The following SLC24A3 variants were observed in gnomAD, a reference collection of about 807,000 sequenced individuals.
The protein encoded by SLC24A3 is sodium/potassium/calcium exchanger 3.
In SLC24A3, 28 loss-of-function variants were observed where a neutral mutation model predicts 75.8. That is an observed-to-expected ratio of 0.37 (90% CI 0.27 to 0.51). SLC24A3 has a LOEUF of 0.51. Ranked by LOEUF, SLC24A3 falls within the 20% of genes least tolerant of loss-of-function variation. SLC24A3 has a pLI of 0.94. For synonymous variants in SLC24A3, 372 were observed against 334.1 expected (o/e 1.11, Z -1.24); for missense variants, 663 against 847.8 (o/e 0.78, Z 2.71).
chr20:19,695,156 T>C (rs1031308016), intron 13 of SLC24A3, among the ~76,000 whole-genome samples: 1 of 152,200 alleles, frequency 6.6e-6, no homozygotes, highest in African/African-American at 2.4e-5. Context: ...AGCATCTCTA[T>C]GGATTTCACT....
chr20:19,704,572 A>G (rs1175207756), intron 15 of SLC24A3, among the ~76,000 whole-genome samples: 4 of 152,158 alleles, frequency 2.6e-5, no homozygotes, highest in Non-Finnish European at 1.5e-5. Context: ...CTAACTTCAG[A>G]GGACATCTGC....
At chr20:19,239,132 A>C (rs1209661903) in intron 1 of SLC24A3, among the ~76,000 whole-genome samples, 7 of 150,942 alleles carry the variant, frequency 4.6e-5, no homozygotes, top group Non-Finnish European at 1.0e-4. Context: ...AAAAAAAAAA[A>C]AAAAAACAAC....
chr20:19,384,388 T>C (rs538899931), intron 2 of SLC24A3, among the ~76,000 whole-genome samples: 3 of 152,346 alleles, frequency 2.0e-5, no homozygotes, highest in African/African-American at 7.2e-5. Flanking sequence ...TTCCAGGAGC[T>C]TGACTTTTTT....
chr20:19,250,213 C>T (rs1054144290), intron 1 of SLC24A3, among the ~76,000 whole-genome samples: 7 of 152,198 alleles, frequency 4.6e-5, no homozygotes, highest in African/African-American at 1.4e-4. Flanking sequence ...AACTTTCCGA[C>T]ATATTTTCCA....
chr20:19,438,041 G>C (rs1216257562), intron 2 of SLC24A3, among the ~76,000 whole-genome samples: 2 of 152,200 alleles, frequency 1.3e-5, no homozygotes, highest in Non-Finnish European at 2.9e-5. Flanking sequence ...AAAGGCTCTG[G>C]CATTAGTGCC....
chr20:19,418,673 AATAAT>A (rs1167413142), intron 2 of SLC24A3, among the ~76,000 whole-genome samples: 1 of 151,168 alleles, frequency 6.6e-6, no homozygotes, highest in African/African-American at 2.4e-5. Flanking sequence ...AAAAGACCCT[AATAAT>A]ATAATATATA....
intron 3 of SLC24A3, among the ~76,000 whole-genome samples, chr20:19,573,820 A>G (rs1002604864): frequency 2.6e-5 from 4 of 152,252 alleles, no homozygotes; most frequent in Non-Finnish European, 5.9e-5. Context: ...GAAGGCCAGA[A>G]GAGTTGAGCA....
chr20:19,244,131 A>G (rs985717017), intron 1 of SLC24A3: 1 of 151,894 alleles, frequency 6.6e-6, no homozygotes, highest in Non-Finnish European at 1.5e-5. Context: ...CTCTCATTCC[A>G]TTGTCAAGCC....
chr20:19,716,417 GTTTC>G lies in SLC24A3; in HGVS notation c.1720-1107_1720-1104del, dbSNP rs201314900. 2.0e-3 allele frequency among the ~76,000 whole-genome samples: 124 copies of G among 62,952 alleles called. 2 individuals are homozygous for G. In the East Asian group the frequency reaches 0.044, roughly 22 times the overall value. The allele number at this position is 62,952 out of a possible 152,430, so 41.3% of individuals were successfully genotyped here. ...TTTGGTTAAAGATGAGATTAAAACT[GTTTC>G]TTTTTTTTTCAGTTGCATGAGACAC... On this transcript the variant is annotated intron_variant, in intron 15 of 16. Coordinates refer to ENST00000328041, the MANE Select transcript of SLC24A3 (RefSeq NM_020689.4).
chr20:19,406,305 C>G (rs902294109), intron 2 of SLC24A3, among the ~76,000 whole-genome samples: 7 of 151,840 alleles, frequency 4.6e-5, no homozygotes, highest in South Asian at 4.2e-4. Flanking sequence ...TGAAATTCCA[C>G]CTAAGAATTT....
rs1002912865 is a variant in SLC24A3, at chr20:19,432,068, T to A, written c.272-83420T>A. Among the ~76,000 whole-genome samples the A allele has an allele frequency of 2.0e-5, 3 of 152,236 alleles. No individual in the cohort carries two copies. In the South Asian group the frequency reaches 6.2e-4, roughly 32 times the overall value. ...CTAGCTTTGCAAACTACCTGAATTC[T>A]CTCAGCATCTGGTTGAGGTCATCAA... On this transcript the variant is annotated intron_variant, in intron 2 of 16. Coordinates refer to ENST00000328041, the MANE Select transcript of SLC24A3 (RefSeq NM_020689.4).
At chr20:19,599,374 G>A (rs1447075193) in intron 6 of SLC24A3, among the ~76,000 whole-genome samples, 2 of 151,876 alleles carry the variant, frequency 1.3e-5, no homozygotes, top group African/African-American at 4.8e-5. Flanking sequence ...TGTATGATGT[G>A]GTCCCTCCCG....
chr20:19,305,422 A>G (rs983162008), intron 2 of SLC24A3, among the ~76,000 whole-genome samples: 4 of 151,998 alleles, frequency 2.6e-5, no homozygotes, highest in African/African-American at 7.2e-5. Flanking sequence ...GGTGCATCAC[A>G]TGCTAAGAGT....
rs11481890 is a variant in SLC24A3, at chr20:19,415,644, T to TA, written c.272-99831dup. Among the ~76,000 whole-genome samples the TA allele has an allele frequency of 0.037, 5,215 of 142,550 alleles. 400 individuals carry two copies. The East Asian group carries it at 0.38, about 10-fold the overall frequency. 93.5% of individuals were successfully genotyped at this position (142,550 alleles called of 152,430 possible). A position where few individuals can be genotyped will look rare whatever the true frequency, so the allele number is the denominator to read the frequency against. ...GTATCAGTTATACCTCAATAAAGCT[T>TA]AAAAAAAAAAAAACTGAATCTAGGT... On this transcript the variant is annotated intron_variant, in intron 2 of 16. Transcript: ENST00000328041.
intron 2 of SLC24A3, among the ~76,000 whole-genome samples, chr20:19,342,198 C>T (rs1240705037): frequency 6.6e-6 from 1 of 152,202 alleles, no homozygotes; most frequent in African/African-American, 2.4e-5. Flanking sequence ...ATGCCCTATT[C>T]AGTGAGTTAA....
intron 15 of SLC24A3, 148 bp from the exon 16 acceptor site, chr20:19,717,380 G>A (rs978175954): frequency 9.8e-6 from 7 of 715,578 alleles, no homozygotes; most frequent in African/African-American, 1.8e-5. Context: ...CTGTGGAGCT[G>A]GCTGCTGAAG....
intron 2 of SLC24A3, among the ~76,000 whole-genome samples, chr20:19,282,341 A>G (rs537333895): frequency 4.3e-4 from 65 of 152,352 alleles, no homozygotes; most frequent in African/African-American, 1.5e-3. Context: ...TATGTAGTCT[A>G]TGTTCCTCAA....
chr20:19,302,186 A>G (rs747531766), intron 2 of SLC24A3, among the ~76,000 whole-genome samples: 1 of 152,214 alleles, frequency 6.6e-6, no homozygotes, highest in African/African-American at 2.4e-5. Flanking sequence ...CTGGTGGACT[A>G]TATTTCCATA....
intron 1 of SLC24A3, among the ~76,000 whole-genome samples, chr20:19,266,709 CA>C (rs1377020964): frequency 6.6e-6 from 1 of 152,086 alleles, no homozygotes; most frequent in African/African-American, 2.4e-5. Flanking sequence ...GGCAGGTTTG[CA>C]GGGGCAAATA....
Sources: gnomAD v4.1 joint callset for allele counts (sites outside exome capture counted in the v4.1 genomes callset) on GRCh38, gnomAD v4.1.1 for gene constraint, MANE v1.5 for transcripts, NCBI Gene and HGNC (gene_info 2026-07-23, HGNC 2026-07-21) for gene names.